CLTC: variants seen among roughly 807,000 people sequenced by gnomAD.
CLTC encodes clathrin heavy chain, also known as clathrin heavy chain 1.
Under a neutral mutation model 195.8 loss-of-function variants are expected in CLTC, and 16 were observed. The ratio of observed to expected loss-of-function variants is 0.08; its 90% CI spans 0.06 to 0.12. The LOEUF (loss-of-function observed/expected upper bound fraction) is 0.12. Ranked by LOEUF, CLTC falls within the 10% of genes least tolerant of loss-of-function variation. The pLI is 1.00. For missense variants in CLTC, 796 were observed against 2,027.0 expected (o/e 0.39, Z 11.66); for synonymous variants, 667 against 689.4 (o/e 0.97, Z 0.51).
intron 13 of CLTC, 171 bp downstream of exon 13, chr17:59,667,148 T>C: frequency 1.9e-6 from 1 of 520,996 alleles, no homozygotes; most frequent in Non-Finnish European, 3.4e-6. Flanking sequence ...TGTTGGATTC[T>C]AAGGATATGC....
intron 5 of CLTC, among the ~76,000 whole-genome samples, chr17:59,654,970 G>T (rs2032429131): frequency 6.6e-6 from 1 of 152,196 alleles, no homozygotes; most frequent in African/African-American, 2.4e-5. Flanking sequence ...GTAAGCCACT[G>T]CACCAGTGCA....
chr17:59,671,756 T>C (rs2032853162), intron 14 of CLTC, among the ~76,000 whole-genome samples: 1 of 152,186 alleles, frequency 6.6e-6, no homozygotes. Context: ...CCCCTAACCT[T>C]GTCCTGCCGA....
intron 18 of CLTC, 35 bp from the exon 19 acceptor site, chr17:59,680,877 A>T: frequency 6.6e-7 from 1 of 1,508,440 alleles, no homozygotes; most frequent in South Asian, 1.4e-5. Context: ...AACCAACTTG[A>T]TTCTCAGTAC....
intron 6 of CLTC, among the ~76,000 whole-genome samples, chr17:59,659,776 T>C (rs1039168287): frequency 6.6e-6 from 1 of 152,114 alleles, no homozygotes; most frequent in Non-Finnish European, 1.5e-5. Context: ...CCATGTTCCT[T>C]GTATTATGTT....
At chr17:59,660,200 T>C (rs1598222889) in intron 6 of CLTC, among the ~76,000 whole-genome samples, 191 bp from the exon 7 acceptor site, 1 of 152,204 alleles carries the variant, frequency 6.6e-6, no homozygotes, top group Non-Finnish European at 1.5e-5. Context: ...CCTATGACAT[T>C]TGTTTTCAAA....
intron 16 of CLTC, among the ~76,000 whole-genome samples, chr17:59,675,875 G>A (rs1005520470): frequency 6.6e-6 from 1 of 152,154 alleles, no homozygotes; most frequent in African/African-American, 2.4e-5. Context: ...TCCTTAAGTT[G>A]ACATGGCGTA....
intron 6 of CLTC, among the ~76,000 whole-genome samples, chr17:59,657,168 T>C (rs943914682): frequency 6.6e-6 from 1 of 152,204 alleles, no homozygotes; most frequent in African/African-American, 2.4e-5. Context: ...AAAAATGTTA[T>C]GTATATGAAG....
At position 59,696,675 on chromosome 17, in the gene CLTC, T is replaced by TTAA; in HGVS notation, c.*2825_*2827dup. On this transcript the variant is annotated 3_prime_UTR_variant, in exon 32 of 32. Coordinates refer to ENST00000269122, the MANE Select transcript of CLTC (RefSeq NM_004859.4). ...AGATCAAAAGGGAAAAAAGGCACCC[T>TTAA]TAATTGTCAAAGTTAGTTCTAGGAA... is the stretch of plus-strand genomic sequence containing the variant. The TTAA allele has an allele frequency of 4.8e-6, 1 of 210,282 alleles. No individual in the cohort carries two copies. The highest frequency in any genetic ancestry group is 1.5e-3 in the Middle Eastern group (1 of 646). 13.0% of individuals were successfully genotyped at this position (210,282 alleles called of 1,614,324 possible). A position where few individuals can be genotyped will look rare whatever the true frequency, so the allele number is the denominator to read the frequency against.
intron 10 of CLTC, among the ~76,000 whole-genome samples, chr17:59,665,217 T>C (rs2032701462): frequency 1.0e-5 from 1 of 100,320 alleles, no homozygotes; most frequent in Non-Finnish European, 2.2e-5. Context: ...AGAGTGAGAC[T>C]CTCAAAAAGA....
Position 59,683,272 on chromosome 17 carries a change from C to A in CLTC, c.4041+10C>A. On this transcript the variant is annotated intron_variant, in intron 25 of 31. Coordinates refer to ENST00000269122, the MANE Select transcript of CLTC (RefSeq NM_004859.4). This position sits in a 1 kb window ranked among gnomAD's most constrained non-coding sequence, Gnocchi z 6.1. ...AGTGAATATTCCCAAGGTAACCAGT[C>A]ATTGTAACACAGTGAAGCAACTGTG... The A allele has an allele frequency of 6.2e-7, 1 of 1,612,080 alleles. No individual in the cohort carries two copies. Among genetic ancestry groups the A allele is most frequent in the South Asian group, 1.1e-5 (1 of 90,942 alleles).
chr17:59,639,349 G>A (rs11079384), intron 1 of CLTC, among the ~76,000 whole-genome samples: 117,666 of 152,036 alleles, frequency 0.77, 46,532 homozygotes, highest in East Asian at 0.93. Context: ...CTGTATGCAC[G>A]TGATAACTAT....
intron 6 of CLTC, 43 bp downstream of exon 6, chr17:59,656,070 G>T: frequency 6.5e-7 from 1 of 1,530,982 alleles, no homozygotes; most frequent in South Asian, 1.2e-5. Flanking sequence ...AAGATAACCT[G>T]ATGAGTTGGG....
intron 3 of CLTC, among the ~76,000 whole-genome samples, chr17:59,647,982 C>T (rs2032238405): frequency 6.6e-6 from 1 of 152,094 alleles, no homozygotes; most frequent in African/African-American, 2.4e-5. Flanking sequence ...GTATTTACTG[C>T]AGAATGAATG....
chr17:59,669,248 C>T (rs2032794389), intron 14 of CLTC, among the ~76,000 whole-genome samples: 1 of 152,080 alleles, frequency 6.6e-6, no homozygotes. Flanking sequence ...CTTTCAATGT[C>T]ATTTTAGAAT....
chr17:59,637,686 T>C (rs1261782712), intron 1 of CLTC, among the ~76,000 whole-genome samples: 1 of 130,000 alleles, frequency 7.7e-6, no homozygotes, highest in Non-Finnish European at 1.6e-5. Flanking sequence ...AACAAAGTGC[T>C]GCCTATCTCT....
rs2033118782 is a variant in CLTC, at chr17:59,683,495, G to C, written c.4150G>C (p.Asp1384His). The C allele has an allele frequency of 6.2e-7, 1 of 1,614,020 alleles. No homozygotes were observed. Among genetic ancestry groups the C allele is most frequent in the Non-Finnish European group, 8.5e-7 (1 of 1,179,968 alleles). Reference protein sequence around the residue: ...AIITMMNHPTDAWKEGQFKDI... With the variant: ...AIITMMNHPTHAWKEGQFKDI... ...AATTACCATGATGAATCATCCAACT[G>C]ATGCCTGGAAAGAAGGGCAATTCAA... Residue 1384 changes from aspartate to histidine, a missense_variant, in exon 26 of 32, where the codon GAT becomes CAT. By Grantham distance (81) the Asp-to-His change is moderately conservative. This residue lies in a region of CLTC where 102 missense variants were observed against 317.6 expected (regional missense o/e 0.32). Coordinates refer to ENST00000269122, the MANE Select transcript of CLTC (RefSeq NM_004859.4). This position sits in a 1 kb window ranked among gnomAD's most constrained non-coding sequence, Gnocchi z 6.1.
Position 59,619,958 on chromosome 17 carries a change from C to T in CLTC, c.-174C>T, listed in dbSNP as rs2031303365. The T allele has an allele frequency of 3.3e-6, 2 of 606,720 alleles. No individual in the cohort carries two copies. Among genetic ancestry groups the T allele is most frequent in the East Asian group, 2.8e-5 (1 of 35,906 alleles). 37.6% of individuals were successfully genotyped at this position (606,720 alleles called of 1,614,324 possible). On this transcript the variant is annotated 5_prime_UTR_variant, in exon 1 of 32. Transcript: ENST00000269122. ...TTGCGGCTCTCCTGGCCCCTGGAGC[C>T]TCCGCCCCCGACCCGAGCTCTTTCG...
chr17:59,638,658 G>A (rs2031940575), intron 1 of CLTC, among the ~76,000 whole-genome samples: 1 of 152,034 alleles, frequency 6.6e-6, no homozygotes. Context: ...TAGATCCCTC[G>A]CTTGCACAGT....
At chr17:59,658,694 T>C (rs1003803467) in intron 6 of CLTC, 13 of 152,352 alleles carry the variant, frequency 8.5e-5, no homozygotes, top group Admixed American at 8.5e-4. Flanking sequence ...TGGAGCCTTT[T>C]CTGTTTCCTG....
Sources: allele counts gnomAD v4.1 joint callset (sites outside exome capture counted in the v4.1 genomes callset), GRCh38; gene constraint gnomAD v4.1.1; regional missense constraint gnomAD v4.1.1; non-coding constraint Gnocchi (gnomAD v3.1); transcripts MANE v1.5; gene names NCBI Gene and HGNC (gene_info 2026-07-23, HGNC 2026-07-21).